The following SULF2 variants were observed in gnomAD, a reference collection of about 807,000 sequenced individuals.
SULF2 encodes extracellular sulfatase Sulf-2.
A neutral mutation model predicts 107.7 loss-of-function variants in SULF2; 52 were observed. The ratio of observed to expected loss-of-function variants is 0.48; its 90% confidence interval spans 0.39 to 0.61. The LOEUF is 0.61. Ranked by LOEUF, SULF2 falls within the 20% of genes least tolerant of loss-of-function variation. SULF2 has a pLI of 0.00. For missense variants in SULF2, 993 were observed against 1,177.3 expected (o/e 0.84, Z 2.29); for synonymous variants, 460 against 464.3 (o/e 0.99, Z 0.12).
chr20:47,698,174 A>G (rs1357595435), intron 4 of SULF2, among the ~76,000 whole-genome samples: 1 of 152,216 alleles, frequency 6.6e-6, no homozygotes, highest in African/African-American at 2.4e-5. Flanking sequence ...GGTTTCCAGA[A>G]CAGAAGTGGG....
At chr20:47,766,301 C>T (rs1490418485) in intron 1 of SULF2, among the ~76,000 whole-genome samples, 2 of 152,234 alleles carry the variant, frequency 1.3e-5, no homozygotes, top group Non-Finnish European at 2.9e-5. Context: ...TGGGCCACAG[C>T]TTCTCCCTGT....
intron 10 of SULF2, among the ~76,000 whole-genome samples, chr20:47,676,278 T>C (rs2087636969): frequency 6.6e-6 from 1 of 152,242 alleles, no homozygotes; most frequent in Non-Finnish European, 1.5e-5. Context: ...ACTTGGCCTC[T>C]GACACGGTCA....
intron 18 of SULF2, among the ~76,000 whole-genome samples, chr20:47,660,769 G>A (rs762357915): frequency 6.6e-6 from 1 of 152,044 alleles, no homozygotes; most frequent in East Asian, 1.9e-4. Flanking sequence ...AACCATGCCT[G>A]TTTAGCTTTT....
chr20:47,746,204 C>G (rs145245893), intron 2 of SULF2, among the ~76,000 whole-genome samples: 31 of 152,328 alleles, frequency 2.0e-4, no homozygotes, highest in African/African-American at 6.3e-4. Context: ...GTGAAGGGAG[C>G]AGCTAAATAA....
At chr20:47,690,370 C>A in intron 4 of SULF2, 75 bp from the exon 5 acceptor site, 3 of 1,198,658 alleles carry the variant, frequency 2.5e-6, no homozygotes, top group Non-Finnish European at 2.2e-6. Context: ...GTGCCAGGCA[C>A]CCTGCTAGGC....
At chr20:47,752,499 G>T (rs1600649667) in intron 2 of SULF2, among the ~76,000 whole-genome samples, 1 of 151,634 alleles carries the variant, frequency 6.6e-6, no homozygotes, top group Non-Finnish European at 1.5e-5. Flanking sequence ...GGAGGCCAAT[G>T]GGGGGCGGAT....
intron 5 of SULF2, chr20:47,684,995 T>G (rs753748028): frequency 1.3e-5 from 2 of 158,672 alleles, no homozygotes; most frequent in Non-Finnish European, 2.8e-5. Flanking sequence ...CCAACTCAAA[T>G]TCCATAGCAT....
chr20:47,664,224 G>T (rs1181449830), intron 14 of SULF2, 35 bp from the exon 15 acceptor site: 1 of 1,599,766 alleles, frequency 6.3e-7, no homozygotes, highest in Non-Finnish European at 8.5e-7. Context: ...GGCTTCAGGA[G>T]TGGCTCAGAG....
intron 2 of SULF2, among the ~76,000 whole-genome samples, chr20:47,745,965 T>C (rs1032769663): frequency 3.9e-5 from 6 of 152,256 alleles, no homozygotes; most frequent in Non-Finnish European, 2.9e-5. Context: ...AATGGCCTTT[T>C]TCTTTAATTG....
At position 47,659,380 on chromosome 20, in the gene SULF2, A is replaced by T; in HGVS notation, c.2582+19T>A. ...GGTCAGAACCAGATTTCTATTTGTA[A>T]GCTGGTTCCTCAACTCACAGTGATT... On this transcript the variant is annotated intron_variant, in intron 20 of 20. Transcript: ENST00000688720. The T allele has an allele frequency of 6.2e-7, 1 of 1,613,278 alleles. No individual in the cohort carries two copies. The highest frequency in any genetic ancestry group is 8.5e-7 in the Non-Finnish European group (1 of 1,179,244).
Position 47,661,913 on chromosome 20 carries a change from T to TA in SULF2, c.2371-18dup. On this transcript the variant is annotated splice_polypyrimidine_tract_variant and intron_variant, in intron 17 of 20. Coordinates refer to ENST00000688720, the MANE Select transcript of SULF2 (RefSeq NM_001387048.1). ...ATTCATCAGCTGGTTGCAAAAAAGG[T>TA]AGTCTGTCAACAAGGTAAGTACAGG... The TA allele has an allele frequency of 6.5e-7, 1 of 1,534,866 alleles. No homozygotes were observed. Among genetic ancestry groups the TA allele is most frequent in the East Asian group, 2.4e-5 (1 of 42,308 alleles).
At chr20:47,738,938 C>T (rs1382278847) in intron 2 of SULF2, among the ~76,000 whole-genome samples, 1 of 152,150 alleles carries the variant, frequency 6.6e-6, no homozygotes, top group Non-Finnish European at 1.5e-5. Context: ...TGACAAGTGT[C>T]CACATAGGAC....
intron 1 of SULF2, among the ~76,000 whole-genome samples, chr20:47,777,430 T>C (rs961627092): frequency 2.0e-5 from 3 of 152,154 alleles, no homozygotes; most frequent in Non-Finnish European, 4.4e-5. Context: ...GGCAGCCATA[T>C]TGAGACTATG....
chr20:47,663,050 C>A lies in SULF2; in HGVS notation c.2370+20G>T. The stretch of plus-strand genomic sequence containing the variant: ...TGGTGTACCCCACACCCCCATCCCT[C>A]TAGCTCGGGTTGCCTGTACCTGGTA... On this transcript the variant is annotated intron_variant, in intron 17 of 20. Coordinates refer to ENST00000688720, the MANE Select transcript of SULF2 (RefSeq NM_001387048.1). The A allele has an allele frequency of 6.2e-7, 1 of 1,614,010 alleles. No individual in the cohort carries two copies. The highest frequency in any genetic ancestry group is 1.1e-5 in the South Asian group (1 of 91,078).
chr20:47,767,001 C>G (rs183351401), intron 1 of SULF2, among the ~76,000 whole-genome samples: 1 of 151,268 alleles, frequency 6.6e-6, no homozygotes, highest in Admixed American at 6.6e-5. Flanking sequence ...AGCTGACAAA[C>G]AGCGGACAGA....
intron 6 of SULF2, 44 bp downstream of exon 6, chr20:47,684,387 G>GGTTC (rs748821959): frequency 1.3e-6 from 2 of 1,557,474 alleles, no homozygotes; most frequent in South Asian, 2.4e-5. Flanking sequence ...CCTGGCTGGG[G>GGTTC]GTTCGGAGCC....
intron 1 of SULF2, among the ~76,000 whole-genome samples, chr20:47,773,124 C>T (rs963801932): frequency 6.6e-6 from 1 of 152,184 alleles, no homozygotes; most frequent in Admixed American, 6.5e-5. Flanking sequence ...GAGCTATGTG[C>T]GACTCTTCCA....
chr20:47,783,248 A>G (rs571703444), intron 1 of SULF2, among the ~76,000 whole-genome samples: 1 of 152,254 alleles, frequency 6.6e-6, no homozygotes, highest in African/African-American at 2.4e-5. Flanking sequence ...AAATGCTGAT[A>G]TTTTTCTGTA....
In SULF2 at chr20:47,672,231, G is replaced by A; in HGVS notation, c.1543C>T (p.Leu515=). ...TCDSGDYKLS[L]AGRRKKLFKK... ...AAGAGTTTTTTCCGGCGTCCGGCCA[G>A]GCTGAGCTTGTAGTCCCCGCTGTCA... Residue 515 remains leucine (L), a synonymous_variant, in exon 11 of 21, where the codon CTG becomes TTG. Transcript: ENST00000688720. 6.2e-7 allele frequency: 1 copy of A among 1,611,816 alleles called. No individual in the cohort carries two copies. The highest frequency in any genetic ancestry group is 1.1e-5 in the South Asian group (1 of 91,038).
Sources: allele counts gnomAD v4.1 joint callset (sites outside exome capture counted in the v4.1 genomes callset), GRCh38; gene constraint gnomAD v4.1.1; transcripts MANE v1.5; gene names NCBI Gene and HGNC (gene_info 2026-07-23, HGNC 2026-07-21).